Variants in C8orf34 observed in about 807,000 individuals in gnomAD.
C8orf34 encodes the protein chromosome 8 open reading frame 34.
Under a neutral mutation model 68.3 loss-of-function variants are expected in C8orf34, and 65 were observed. The ratio of observed to expected loss-of-function variants is 0.95; its 90% CI spans 0.78 to 1.17. The LOEUF (loss-of-function observed/expected upper bound fraction) is 1.17. C8orf34 is among the 50% of genes most tolerant of loss of function. C8orf34 has a pLI of 0.00. For synonymous variants in C8orf34, 244 were observed against 241.2 expected (o/e 1.01, Z -0.11); for missense variants, 664 against 655.4 (o/e 1.01, Z -0.14).
At chr8:68,507,161 T>C (rs1171625648) in intron 5 of C8orf34, among the ~76,000 whole-genome samples, 1 of 152,242 alleles carries the variant, frequency 6.6e-6, no homozygotes, top group Non-Finnish European at 1.5e-5. Flanking sequence ...TTTATTGAAT[T>C]GATTCCTTGG....
At chr8:68,523,885 T>C (rs1430990283) in intron 6 of C8orf34, among the ~76,000 whole-genome samples, 1 of 152,154 alleles carries the variant, frequency 6.6e-6, no homozygotes, top group African/African-American at 2.4e-5. Flanking sequence ...CCTAGACTCC[T>C]GAAAGAGAAA....
At chr8:68,520,674 A>G (rs997592251) in intron 5 of C8orf34, among the ~76,000 whole-genome samples, 1 of 148,150 alleles carries the variant, frequency 6.7e-6, no homozygotes, top group African/African-American at 2.5e-5. Context: ...CGTGTTAGCC[A>G]GGATGGTCTT....
chr8:68,534,692 G>A (rs565585888), intron 7 of C8orf34: 2 of 985,278 alleles, frequency 2.0e-6, no homozygotes, highest in African/African-American at 1.7e-5. Flanking sequence ...TTGCGATTGT[G>A]CTCCATAACT....
chr8:68,689,350 A>G (rs1820619918), intron 8 of C8orf34, among the ~76,000 whole-genome samples: 2 of 152,026 alleles, frequency 1.3e-5, no homozygotes, highest in Non-Finnish European at 2.9e-5. Context: ...CTCAGAAATC[A>G]CCACTGTAGA....
At position 68,625,244 on chromosome 8, in the gene C8orf34, T is replaced by C. The variant is rs1476540243; in HGVS notation, c.1106-15132T>C. ...TAATATTCTTGGCCTGCTCCCAGTA[T>C]AGAAAGAGGCTAGGGCTGCTGGATA... is the stretch of plus-strand genomic sequence containing the variant. On this transcript the variant is annotated intron_variant, in intron 7 of 13. Coordinates refer to ENST00000518698, the MANE Select transcript of C8orf34 (RefSeq NM_052958.4). Among the ~76,000 whole-genome samples the C allele has an allele frequency of 3.3e-5, 5 of 152,294 alleles. No individual in the cohort carries two copies. The East Asian group carries it at 9.7e-4, about 29-fold the overall frequency.
intron 3 of C8orf34, among the ~76,000 whole-genome samples, chr8:68,460,299 G>T (rs895261914): frequency 2.0e-5 from 3 of 152,346 alleles, no homozygotes; most frequent in African/African-American, 7.2e-5. Context: ...AGCTCGAACT[G>T]CTTGGAGCCC....
intron 5 of C8orf34, among the ~76,000 whole-genome samples, chr8:68,510,867 C>G (rs1457255914): frequency 6.6e-6 from 1 of 152,172 alleles, no homozygotes; most frequent in Non-Finnish European, 1.5e-5. Flanking sequence ...ATCCTCTTCT[C>G]TTAAGGTCTG....
chr8:68,593,737 A>G (rs1400957330), intron 7 of C8orf34, among the ~76,000 whole-genome samples: 1 of 151,902 alleles, frequency 6.6e-6, no homozygotes, highest in African/African-American at 2.4e-5. Flanking sequence ...AGTACCTTTT[A>G]GTTTTATTAA....
intron 12 of C8orf34, among the ~76,000 whole-genome samples, chr8:68,809,555 A>T (rs1357900136): frequency 1.3e-5 from 2 of 152,198 alleles, no homozygotes; most frequent in Non-Finnish European, 2.9e-5. Flanking sequence ...GCAAGAGCCC[A>T]GGAGTTGGAG....
chr8:68,609,046 G>A (rs1218068504), intron 7 of C8orf34, among the ~76,000 whole-genome samples: 1 of 151,996 alleles, frequency 6.6e-6, no homozygotes, highest in Non-Finnish European at 1.5e-5. Context: ...CAGTGGTACT[G>A]GCCTGTAGTC....
intron 8 of C8orf34, among the ~76,000 whole-genome samples, chr8:68,691,970 CTCTT>C (rs1338758255): frequency 2.6e-5 from 4 of 151,952 alleles, no homozygotes; most frequent in African/African-American, 4.8e-5. Flanking sequence ...TGAGGGGAGA[CTCTT>C]TCTGTGAGTG....
chr8:68,766,792 T>C (rs1823190450), intron 10 of C8orf34, among the ~76,000 whole-genome samples: 3 of 152,230 alleles, frequency 2.0e-5, no homozygotes, highest in Admixed American at 2.0e-4. Flanking sequence ...TATTTAAATA[T>C]CTTTTATTGC....
chr8:68,500,733 G>T (rs547833765), intron 5 of C8orf34, among the ~76,000 whole-genome samples: 31 of 152,178 alleles, frequency 2.0e-4, no homozygotes, highest in African/African-American at 7.2e-4. Context: ...TTCAAAATAC[G>T]AACCAACAGT....
chr8:68,480,929 G>A (rs542224116), intron 4 of C8orf34, among the ~76,000 whole-genome samples: 1 of 152,302 alleles, frequency 6.6e-6, no homozygotes, highest in South Asian at 2.1e-4. Context: ...CATTTTCTGG[G>A]GAGACATTCA....
At chr8:68,658,367 T>G (rs1819571424) in intron 8 of C8orf34, among the ~76,000 whole-genome samples, 1 of 152,320 alleles carries the variant, frequency 6.6e-6, no homozygotes, top group East Asian at 1.9e-4. Context: ...TCCTTTGTTT[T>G]TTGGCCATCA....
At chr8:68,555,419 G>T (rs924033473) in intron 7 of C8orf34, among the ~76,000 whole-genome samples, 1 of 151,998 alleles carries the variant, frequency 6.6e-6, no homozygotes, top group Non-Finnish European at 1.5e-5. Flanking sequence ...TTTTACCCTG[G>T]TGAGATTCAT....
chr8:68,689,107 G>T (rs937695965), intron 8 of C8orf34, among the ~76,000 whole-genome samples: 5 of 152,078 alleles, frequency 3.3e-5, no homozygotes, highest in African/African-American at 1.2e-4. Context: ...CTCAGATGGA[G>T]CTGGAGGTCA....
chr8:68,493,838 C>T (rs188107542), intron 5 of C8orf34, among the ~76,000 whole-genome samples: 217 of 152,262 alleles, frequency 1.4e-3, no homozygotes, highest in East Asian at 5.4e-3. Flanking sequence ...AGACAAAGGG[C>T]GTGCTCTTAC....
chr8:68,815,957 C>A lies in C8orf34; in HGVS notation c.1609+12C>A, dbSNP rs764919960. ...GCTGGTCTACTCTGGTATGTTTGCT[C>A]AGGGCACTTAATATCGATGTCGGGT... On this transcript the variant is annotated intron_variant, in intron 13 of 13. Transcript: ENST00000518698. The A allele has an allele frequency of 1.2e-6, 2 of 1,613,540 alleles. No individual in the cohort carries two copies. The highest frequency in any genetic ancestry group is 1.3e-5 in the African/African-American group (1 of 74,892).
Sources: gnomAD v4.1 joint callset for allele counts (sites outside exome capture counted in the v4.1 genomes callset) on GRCh38, gnomAD v4.1.1 for gene constraint, MANE v1.5 for transcripts, NCBI Gene and HGNC (gene_info 2026-07-23, HGNC 2026-07-21) for gene names.